TENM2: variants seen among roughly 807,000 people sequenced by gnomAD.
The protein encoded by TENM2 is teneurin-2.
Under a neutral mutation model 245.2 loss-of-function variants are expected in TENM2, and 52 were observed. The observed-to-expected ratio is 0.21, with a 90% CI of 0.17 to 0.27. The LOEUF (loss-of-function observed/expected upper bound fraction) is 0.27, where lower values mean the gene tolerates loss of function less well. Ranked by LOEUF, TENM2 falls within the 10% of genes least tolerant of loss-of-function variation. The pLI is 1.00. For missense variants in TENM2, 3,046 were observed against 3,666.8 expected (o/e 0.83, Z 4.37); for synonymous variants, 1,363 against 1,438.9 (o/e 0.95, Z 1.19).
At chr5:167,978,146 C>T (rs564019307) in intron 4 of TENM2, among the ~76,000 whole-genome samples, 2 of 152,170 alleles carry the variant, frequency 1.3e-5, no homozygotes, top group Non-Finnish European at 2.9e-5. Flanking sequence ...TCTTTTACAG[C>T]CTGCAGAATC....
intron 2 of TENM2, among the ~76,000 whole-genome samples, chr5:167,433,231 T>G (rs1764355073): frequency 6.6e-6 from 1 of 152,160 alleles, no homozygotes; most frequent in Admixed American, 6.5e-5. Context: ...AAATATCTGT[T>G]GGTGTCAAGT....
intron 3 of TENM2, among the ~76,000 whole-genome samples, chr5:167,899,313 G>A (rs1192740342): frequency 6.6e-6 from 1 of 152,164 alleles, no homozygotes; most frequent in Non-Finnish European, 1.5e-5. Context: ...ATGGGTGCAG[G>A]AAAGGTCAAT....
chr5:167,050,663 G>A, the TENM2 span, among the ~76,000 whole-genome samples: 8 of 152,148 alleles, frequency 5.3e-5, no homozygotes, highest in African/African-American at 1.9e-4. Flanking sequence ...CCAGCAGAGA[G>A]GGGGCGCTGC....
chr5:168,241,198 G>T (rs1407691826), intron 25 of TENM2: 3 of 152,050 alleles, frequency 2.0e-5, no homozygotes, highest in African/African-American at 7.2e-5. Flanking sequence ...ATAATCCCAA[G>T]AACTCACCAC....
At chr5:167,940,052 G>T (rs10475524) in intron 3 of TENM2, among the ~76,000 whole-genome samples, 13,922 of 152,044 alleles carry the variant, frequency 0.092, 1,227 homozygotes, top group African/African-American at 0.23. Context: ...TTGGATTGCT[G>T]TAGGAAGAGA....
chr5:167,886,966 C>A (rs1383035462), intron 3 of TENM2, among the ~76,000 whole-genome samples: 1 of 152,162 alleles, frequency 6.6e-6, no homozygotes, highest in Non-Finnish European at 1.5e-5. Context: ...GATTAGGGAG[C>A]CCTGTGGAGT....
chr5:167,417,446 CAT>C (rs1763227479), intron 2 of TENM2, among the ~76,000 whole-genome samples: 2 of 152,200 alleles, frequency 1.3e-5, no homozygotes, highest in Non-Finnish European at 1.5e-5. Flanking sequence ...TATAGCCCCT[CAT>C]ATTTCCTCCA....
intron 5 of TENM2, among the ~76,000 whole-genome samples, chr5:168,036,444 C>A (rs113584008): frequency 1.6e-4 from 25 of 151,900 alleles, no homozygotes; most frequent in African/African-American, 5.6e-4. Context: ...TGAGACCAGC[C>A]TGGCCAAATG....
intron 3 of TENM2, among the ~76,000 whole-genome samples, chr5:167,883,399 C>T (rs1253730201): frequency 6.6e-6 from 1 of 152,236 alleles, no homozygotes; most frequent in Non-Finnish European, 1.5e-5. Flanking sequence ...CACGCACACA[C>T]ACACACACGT....
chr5:167,342,492 A>G (rs1396679993), intron 1 of TENM2, among the ~76,000 whole-genome samples: 1 of 143,276 alleles, frequency 7.0e-6, no homozygotes, highest in East Asian at 2.0e-4. Flanking sequence ...CAGGTTTCTC[A>G]ACTGTAAAGT....
chr5:167,413,327 T>C (rs1436769044), intron 2 of TENM2, among the ~76,000 whole-genome samples: 4 of 152,080 alleles, frequency 2.6e-5, no homozygotes, highest in Admixed American at 6.6e-5. Flanking sequence ...ATGTATTCAA[T>C]TTCTTCTCTC....
At chr5:167,435,975 C>CT (rs71591181) in intron 2 of TENM2, among the ~76,000 whole-genome samples, 946 of 83,112 alleles carry the variant, frequency 0.011, 10 homozygotes, top group Middle Eastern at 0.023. Context: ...CTTTTTTTTT[C>CT]TTTTTTTTTT....
intron 3 of TENM2, among the ~76,000 whole-genome samples, chr5:167,927,750 A>T (rs1043236642): frequency 3.3e-5 from 5 of 152,130 alleles, no homozygotes; most frequent in African/African-American, 1.2e-4. Flanking sequence ...AGCTGGAGTG[A>T]GGTTGGTGTC....
intron 5 of TENM2, among the ~76,000 whole-genome samples, chr5:168,000,837 A>T (rs1038483158): frequency 9.9e-5 from 15 of 152,196 alleles, no homozygotes; most frequent in African/African-American, 2.4e-4. Flanking sequence ...GGAAATATTT[A>T]AAAAATTCTG....
chr5:167,026,484 T>C, the TENM2 span, among the ~76,000 whole-genome samples: 1 of 152,210 alleles, frequency 6.6e-6, no homozygotes, highest in African/African-American at 2.4e-5. Context: ...TTGTTTATCA[T>C]CACTCATGCT....
chr5:167,958,364 A>G (rs549011418), intron 4 of TENM2, among the ~76,000 whole-genome samples: 2 of 152,094 alleles, frequency 1.3e-5, no homozygotes, highest in Non-Finnish European at 2.9e-5. Context: ...TTTTGAGCCT[A>G]TATCTGTCTT....
chr5:167,443,069 G>A (rs1764959316), intron 2 of TENM2, among the ~76,000 whole-genome samples: 2 of 152,150 alleles, frequency 1.3e-5, no homozygotes, highest in African/African-American at 4.8e-5. Context: ...ACTGATTGAT[G>A]GGCTTTGAAA....
At chr5:167,924,593 A>G (rs1777609933) in intron 3 of TENM2, among the ~76,000 whole-genome samples, 1 of 152,232 alleles carries the variant, frequency 6.6e-6, no homozygotes, top group South Asian at 2.1e-4. Context: ...ACTCCACTGA[A>G]ATGGATACAT....
intron 25 of TENM2, among the ~76,000 whole-genome samples, chr5:168,242,500 C>T (rs1766187716): frequency 1.3e-5 from 2 of 152,232 alleles, no homozygotes. Flanking sequence ...AATCCAACCA[C>T]TTCACTGCTG....
Sources: allele counts gnomAD v4.1 joint callset (sites outside exome capture counted in the v4.1 genomes callset), GRCh38; gene constraint gnomAD v4.1.1; transcripts MANE v1.5; gene names NCBI Gene and HGNC (gene_info 2026-07-23, HGNC 2026-07-21).